The following UCHL3 variants were observed in gnomAD, a reference collection of about 807,000 sequenced individuals.
UCHL3 encodes the protein ubiquitin C-terminal hydrolase L3.
Under a neutral mutation model 35.8 loss-of-function variants are expected in UCHL3, and 22 were observed. The ratio of observed to expected loss-of-function variants is 0.61; its 90% CI spans 0.44 to 0.88. UCHL3 has a LOEUF of 0.88. UCHL3 is among the 40% of genes least tolerant of loss of function. The pLI is 0.00. For synonymous variants in UCHL3, 90 were observed against 92.8 expected, an observed-to-expected ratio of 0.97 and a Z score of 0.17; for missense variants, 229 against 276.9, an observed-to-expected ratio of 0.83 and a Z score of 1.23.
In UCHL3 at chr13:75,588,933, T is replaced by C. The variant is rs144021994; in HGVS notation, c.475-5982T>C. Among the ~76,000 whole-genome samples the C allele has an allele frequency of 1.3e-3, 202 of 152,358 alleles. 1 individual carries two copies. Among genetic ancestry groups the C allele is most frequent in the African/African-American group, 4.6e-3 (192 of 41,594 alleles). Reference sequence around the variant, plus strand: ...GAAGTCATTTGGATTACTACTATTATGTTATCATACCCTTGTATACTTTGT... The same window carrying C: ...GAAGTCATTTGGATTACTACTATTACGTTATCATACCCTTGTATACTTTGT... On this transcript the variant is annotated intron_variant, in intron 6 of 8. Coordinates refer to ENST00000377595, the MANE Select transcript of UCHL3 (RefSeq NM_006002.5).
intron 6 of UCHL3, among the ~76,000 whole-genome samples, chr13:75,576,304 A>G (rs2032021500): frequency 6.6e-6 from 1 of 152,030 alleles, no homozygotes; most frequent in South Asian, 2.1e-4. Context: ...ATCTCTGCTC[A>G]CTGCAACGTC....
intron 2 of UCHL3, among the ~76,000 whole-genome samples, chr13:75,550,331 G>A (rs1813413922): frequency 6.6e-6 from 1 of 152,040 alleles, no homozygotes; most frequent in Non-Finnish European, 1.5e-5. Context: ...TTTCCTACCG[G>A]TGTACCTTTT....
chr13:75,578,733 G>A (rs1481776306), intron 6 of UCHL3, among the ~76,000 whole-genome samples: 1 of 152,052 alleles, frequency 6.6e-6, no homozygotes, highest in Non-Finnish European at 1.5e-5. Flanking sequence ...ATATTAATAT[G>A]TAATCTATTT....
intron 6 of UCHL3, among the ~76,000 whole-genome samples, chr13:75,573,787 C>T (rs1241459391): frequency 6.6e-6 from 1 of 152,174 alleles, no homozygotes; most frequent in Admixed American, 6.5e-5. Flanking sequence ...AGGGCTTCAA[C>T]GTATGAATTT....
rs557797782 is a variant in UCHL3, at chr13:75,594,673, T to C, written c.475-242T>C. 1.6e-4 allele frequency among the ~76,000 whole-genome samples: 24 copies of C among 152,344 alleles called. No homozygotes were observed. The South Asian group carries it at 5.0e-3, about 32-fold the overall frequency. ...TAAGGTGAACACAATTTTTGGTCTT[T>C]AGATAGTTGAGATTAAGAAAGTTGT... is the stretch of plus-strand genomic sequence containing the variant. On this transcript the variant is annotated intron_variant, in intron 6 of 8. Coordinates refer to ENST00000377595, the MANE Select transcript of UCHL3 (RefSeq NM_006002.5).
chr13:75,569,353 G>A (rs909619576), intron 5 of UCHL3, 107 bp from the exon 6 acceptor site: 3 of 775,006 alleles, frequency 3.9e-6, no homozygotes, highest in Non-Finnish European at 6.1e-6. Context: ...CCTTCAATTT[G>A]TTGTTTCTTT....
At chr13:75,569,359 T>G in intron 5 of UCHL3, 101 bp from the exon 6 acceptor site, 1 of 845,634 alleles carries the variant, frequency 1.2e-6, no homozygotes, top group Non-Finnish European at 1.8e-6. Context: ...ATTTGTTGTT[T>G]CTTTAGAAGA....
At chr13:75,553,237 T>C (rs138030627) in intron 2 of UCHL3, among the ~76,000 whole-genome samples, 5 of 152,352 alleles carry the variant, frequency 3.3e-5, no homozygotes, top group African/African-American at 1.2e-4. Context: ...TCCTTCTTTG[T>C]AAACTTTCCA....
chr13:75,567,264 T>C lies in UCHL3; in HGVS notation c.378T>C (p.Ser126=). The change falls in exon 5 of 9, where the codon TCT becomes TCC. Residue 126 remains serine, a synonymous_variant. Transcript: ENST00000377595. ...GSTLKKFLEE[S]VSMSPEERAR... ...CCTTGAAAAAATTCCTGGAGGAATC[T>C]GTGTCAATGAGCCCTGAAGAACGAG... The C allele has an allele frequency of 6.2e-7, 1 of 1,614,124 alleles. No individual in the cohort carries two copies. Among genetic ancestry groups the C allele is most frequent in the Non-Finnish European group, 8.5e-7 (1 of 1,180,014 alleles).
intron 6 of UCHL3, among the ~76,000 whole-genome samples, chr13:75,583,316 T>C (rs2032237852): frequency 6.6e-6 from 1 of 152,202 alleles, no homozygotes; most frequent in Admixed American, 6.5e-5. Flanking sequence ...CTTTGACATA[T>C]GGGACTCATT....
At chr13:75,601,318 G>A (rs2032776813) in intron 7 of UCHL3, among the ~76,000 whole-genome samples, 1 of 152,188 alleles carries the variant, frequency 6.6e-6, no homozygotes, top group South Asian at 2.1e-4. Flanking sequence ...TCTCCTGTGG[G>A]TAAAGTGCTG....
intron 6 of UCHL3, among the ~76,000 whole-genome samples, chr13:75,592,621 A>G (rs1372096585): frequency 6.7e-6 from 1 of 150,244 alleles, no homozygotes; most frequent in African/African-American, 2.4e-5. Context: ...TTAAATAATT[A>G]CAGATTTTTA....
intron 3 of UCHL3, among the ~76,000 whole-genome samples, chr13:75,561,330 G>A (rs1392726461): frequency 2.0e-5 from 3 of 152,062 alleles, no homozygotes; most frequent in African/African-American, 7.2e-5. Flanking sequence ...AGGCAATCTA[G>A]TCAGTAAAGA....
At chr13:75,570,438 G>A (rs1031455594) in intron 6 of UCHL3, among the ~76,000 whole-genome samples, 3 of 152,022 alleles carry the variant, frequency 2.0e-5, no homozygotes, top group Admixed American at 6.6e-5. Context: ...GGGTTTCCCC[G>A]TGTTAGCCAG....
intron 7 of UCHL3, among the ~76,000 whole-genome samples, chr13:75,597,486 G>A (rs1413265689): frequency 1.3e-5 from 2 of 152,174 alleles, no homozygotes; most frequent in Admixed American, 6.5e-5. Context: ...TGGATTGAAA[G>A]TATTAGAAAA....
At chr13:75,566,613 A>T in intron 3 of UCHL3, 82 bp from the exon 4 acceptor site, 2 of 835,816 alleles carry the variant, frequency 2.4e-6, no homozygotes, top group South Asian at 3.3e-5. Flanking sequence ...ATTTTTTATC[A>T]TTTGCATTTT....
At chr13:75,593,628 C>G (rs1021982425) in intron 6 of UCHL3, among the ~76,000 whole-genome samples, 6 of 152,166 alleles carry the variant, frequency 3.9e-5, no homozygotes, top group African/African-American at 1.4e-4. Context: ...ACTCTGATTG[C>G]TAACACCTGT....
At chr13:75,563,176 T>C (rs1378838298) in intron 3 of UCHL3, among the ~76,000 whole-genome samples, 2 of 152,144 alleles carry the variant, frequency 1.3e-5, no homozygotes, top group Non-Finnish European at 2.9e-5. Context: ...TATATATGTT[T>C]ATGTTTACTT....
rs2032391392 is a variant in UCHL3 at position 75,588,541 on chromosome 13, T to C, written c.475-6374T>C. Among the ~76,000 whole-genome samples, 2 of 152,284 alleles carry C rather than the reference T, an allele frequency of 1.3e-5. 1 individual carries two copies. The highest frequency in any genetic ancestry group is 4.1e-4 in the South Asian group (2 of 4,828). On this transcript the variant is annotated intron_variant, in intron 6 of 8. Transcript: ENST00000377595. ...CAAGTATAGGATTCATTTATGTATT[T>C]TTGATTGACTGATTCTTATTATGAG...
Sources: gnomAD v4.1 joint callset for allele counts (sites outside exome capture counted in the v4.1 genomes callset) on GRCh38, gnomAD v4.1.1 for gene constraint, MANE v1.5 for transcripts, NCBI Gene and HGNC (gene_info 2026-07-23, HGNC 2026-07-21) for gene names.